Variants in LAMA2 observed in about 807,000 individuals in gnomAD.
LAMA2 encodes laminin subunit alpha 2.
A neutral mutation model predicts 364.8 loss-of-function variants in LAMA2; 269 were observed. The ratio of observed to expected loss-of-function variants is 0.74; its 90% confidence interval spans 0.67 to 0.82. LAMA2 has a LOEUF of 0.82. LAMA2 is among the 40% of genes least tolerant of loss of function. The probability of loss-of-function intolerance (pLI) is 0.00; values close to 1 mark genes in which losing one functional copy is unlikely to be tolerated. For synonymous variants in LAMA2, 1,379 were observed against 1,370.6 expected (o/e 1.01, Z -0.14); for missense variants, 3,807 against 3,873.2 (o/e 0.98, Z 0.45).
chr6:129,052,305 CT>C (rs71272306), intron 2 of LAMA2, among the ~76,000 whole-genome samples: 233 of 131,214 alleles, frequency 1.8e-3, no homozygotes, highest in East Asian at 2.2e-3. Flanking sequence ...CCGGCTAATT[CT>C]TTTTTTTTTT....
At chr6:129,127,815 C>CA (rs1227732458) in intron 4 of LAMA2, among the ~76,000 whole-genome samples, 1 of 152,022 alleles carries the variant, frequency 6.6e-6, no homozygotes, top group Non-Finnish European at 1.5e-5. Flanking sequence ...TTCTTTTGAG[C>CA]AATGTCTATT....
At chr6:129,027,546 A>G (rs977443798) in intron 1 of LAMA2, among the ~76,000 whole-genome samples, 1 of 152,008 alleles carries the variant, frequency 6.6e-6, no homozygotes, top group African/African-American at 2.4e-5. Context: ...TTATGATTAC[A>G]TCTACAGACA....
chr6:129,266,242 T>G (rs1028689954), intron 15 of LAMA2, among the ~76,000 whole-genome samples: 3 of 152,126 alleles, frequency 2.0e-5, no homozygotes, highest in Non-Finnish European at 4.4e-5. Flanking sequence ...CATGCTTATT[T>G]TGCATCTCAT....
intron 1 of LAMA2, among the ~76,000 whole-genome samples, chr6:128,987,089 T>C (rs1281377980): frequency 6.6e-6 from 1 of 151,628 alleles, no homozygotes; most frequent in Non-Finnish European, 1.5e-5. Context: ...TGTGCACGTG[T>C]CTTTTGCTTT....
intron 4 of LAMA2, among the ~76,000 whole-genome samples, chr6:129,101,259 A>G (rs1021464219): frequency 1.3e-5 from 2 of 152,214 alleles, no homozygotes; most frequent in African/African-American, 2.4e-5. Flanking sequence ...AAAACCAGCA[A>G]CAACTCTTAT....
chr6:129,341,675 A>G (rs1020618770), intron 29 of LAMA2, among the ~76,000 whole-genome samples: 3 of 152,212 alleles, frequency 2.0e-5, no homozygotes. Flanking sequence ...ATTGTGTTAA[A>G]TATAATTCTG....
At chr6:128,889,844 G>A (rs1323221795) in intron 1 of LAMA2, among the ~76,000 whole-genome samples, 1 of 152,204 alleles carries the variant, frequency 6.6e-6, no homozygotes, top group East Asian at 1.9e-4. Context: ...AATCTTGAGT[G>A]TGGATCTTAA....
At chr6:129,131,907 A>G (rs1005397887) in intron 4 of LAMA2, among the ~76,000 whole-genome samples, 1 of 152,196 alleles carries the variant, frequency 6.6e-6, no homozygotes, top group Non-Finnish European at 1.5e-5. Flanking sequence ...AATTTTAAGT[A>G]TGAAGTCAGA....
intron 1 of LAMA2, among the ~76,000 whole-genome samples, chr6:128,957,426 GT>G: frequency 6.6e-6 from 1 of 152,220 alleles, no homozygotes; most frequent in East Asian, 1.9e-4. Flanking sequence ...AATTTCAAGT[GT>G]GTTCTTTTAT....
chr6:128,965,381 A>C (rs1224246747), intron 1 of LAMA2, among the ~76,000 whole-genome samples: 1 of 152,082 alleles, frequency 6.6e-6, no homozygotes, highest in Admixed American at 6.6e-5. Flanking sequence ...TTAAATACTA[A>C]TGTGTATTTT....
intron 10 of LAMA2, among the ~76,000 whole-genome samples, chr6:129,181,887 A>G (rs1780952727): frequency 6.6e-6 from 1 of 151,874 alleles, no homozygotes; most frequent in South Asian, 2.1e-4. Context: ...AAACCTGTCA[A>G]CCAGCAAGAC....
Position 129,312,898 on chromosome 6 carries a change from A to G in LAMA2, c.3212A>G (p.Gln1071Arg). Residue 1071 changes from glutamine (Q) to arginine (R), a missense_variant, in exon 23 of 65, where the codon CAA becomes CGA. Around this residue, in one of 3 missense-constraint regions of LAMA2, gnomAD observed 3,333 missense variants for 3,345.7 expected, o/e 1.00. Transcript: ENST00000421865. ...NCSTVGSLDF[Q>R]CNVNTGQCNC... ...AGCACAGTGGGATCCTTGGATTTCCAATGCAATGTAAATACAGGCCAATGC... is the reference window on the plus strand; with the variant it reads ...AGCACAGTGGGATCCTTGGATTTCCGATGCAATGTAAATACAGGCCAATGC... 4 of 1,614,160 alleles carry G rather than the reference A, an allele frequency of 2.5e-6. No homozygotes were observed. Among genetic ancestry groups the G allele is most frequent in the Non-Finnish European group, 3.4e-6 (4 of 1,179,998 alleles).
chr6:129,310,381 G>A (rs540419198), intron 22 of LAMA2, among the ~76,000 whole-genome samples: 2 of 152,306 alleles, frequency 1.3e-5, no homozygotes, highest in South Asian at 4.1e-4. Context: ...AGGAGGGAAA[G>A]TGTGAGATAC....
chr6:129,386,679 A>C (rs1779036256), intron 35 of LAMA2, among the ~76,000 whole-genome samples: 1 of 152,214 alleles, frequency 6.6e-6, no homozygotes, highest in African/African-American at 2.4e-5. Flanking sequence ...ATGTTATCCA[A>C]ATTAAACTGG....
At chr6:129,045,227 A>G (rs1035055917) in intron 1 of LAMA2, among the ~76,000 whole-genome samples, 1 of 152,216 alleles carries the variant, frequency 6.6e-6, no homozygotes, top group Admixed American at 6.5e-5. Flanking sequence ...ATAATCAGTA[A>G]CTGTAATAGA....
In LAMA2 at chr6:129,300,892, G is replaced by A. The variant is rs766248804; in HGVS notation, c.3174+20G>A. 3.7e-6 allele frequency: 6 copies of A among 1,613,146 alleles called. No homozygotes were observed. In the African/African-American group the frequency reaches 5.3e-5, roughly 14 times the overall value. On this transcript the variant is annotated intron_variant, in intron 22 of 64. Transcript: ENST00000421865. ...TGTAAGGTGAGTGAACCACTTTTTT[G>A]CTCTGATAATTTTTTGGAGAGATTT...
chr6:129,171,249 G>T (rs1310153193), intron 9 of LAMA2, among the ~76,000 whole-genome samples: 2 of 152,164 alleles, frequency 1.3e-5, no homozygotes, highest in Non-Finnish European at 1.5e-5. Flanking sequence ...CTCGTTAGTT[G>T]ATGCAGTTTC....
rs780262871 is a variant in LAMA2 at position 129,507,567 on chromosome 6, A to G, written c.8782A>G (p.Ser2928Gly). The change falls in exon 62 of 65, where the codon AGC becomes GGC. Residue 2928 changes from serine (S) to glycine (G), a missense_variant. Physicochemically the swap from Ser to Gly is moderately conservative, Grantham distance 56. Coordinates refer to ENST00000421865, the MANE Select transcript of LAMA2 (RefSeq NM_000426.4). ...TGCCGATCTGGAACAACCCACCTCC[A>G]GCTTCCATGTTGGGACATGTTTTGC... ...APADLEQPTS[S>G]FHVGTCFANA... 12 of 1,614,060 alleles carry G rather than the reference A, an allele frequency of 7.4e-6. No homozygotes were observed. Among genetic ancestry groups the G allele is most frequent in the Non-Finnish European group, 1.0e-5 (12 of 1,180,000 alleles).
chr6:128,883,908 G>A (rs1004715871), intron 1 of LAMA2, among the ~76,000 whole-genome samples: 1 of 151,266 alleles, frequency 6.6e-6, no homozygotes, highest in African/African-American at 2.4e-5. Flanking sequence ...GAAGTTATGT[G>A]GTTTTTTTTC....
Sources: gnomAD v4.1 joint callset for allele counts (sites outside exome capture counted in the v4.1 genomes callset) on GRCh38, gnomAD v4.1.1 for gene constraint, gnomAD v4.1.1 regional missense constraint, MANE v1.5 for transcripts, NCBI Gene and HGNC (gene_info 2026-07-23, HGNC 2026-07-21) for gene names.